KCNN2: variants seen among roughly 807,000 people sequenced by gnomAD.
KCNN2 encodes potassium calcium-activated channel subfamily N member 2, also known as small conductance calcium-activated potassium channel protein 2.
Under a neutral mutation model 55.5 loss-of-function variants are expected in KCNN2, and 24 were observed. That is an observed-to-expected ratio of 0.43 (90% CI 0.31 to 0.61). KCNN2 has a LOEUF of 0.61. KCNN2 is among the 20% of genes least tolerant of loss of function. The probability of loss-of-function intolerance (pLI) is 0.08; values close to 1 mark genes in which losing one functional copy is unlikely to be tolerated. For synonymous variants in KCNN2, 431 were observed against 336.1 expected, an observed-to-expected ratio of 1.28 and a Z score of -3.09; for missense variants, 754 against 853.6, an observed-to-expected ratio of 0.88 and a Z score of 1.45.
At chr5:114,070,412 C>A (rs569752449) in intron 1 of KCNN2, among the ~76,000 whole-genome samples, 2 of 152,240 alleles carry the variant, frequency 1.3e-5, no homozygotes, top group African/African-American at 4.8e-5. Context: ...CTGAGCTATT[C>A]TTTATCTTTG....
chr5:114,339,209 AGTT>A (rs1353702559), intron 2 of KCNN2, among the ~76,000 whole-genome samples: 2 of 152,188 alleles, frequency 1.3e-5, no homozygotes, highest in Non-Finnish European at 2.9e-5. Context: ...CAAGCTGAGG[AGTT>A]GTGGCCCTCT....
At chr5:114,160,557 C>T (rs1397206565) in intron 1 of KCNN2, among the ~76,000 whole-genome samples, 1 of 152,028 alleles carries the variant, frequency 6.6e-6, no homozygotes, top group Non-Finnish European at 1.5e-5. Context: ...CCTGGATATC[C>T]TTTTTAACTT....
intron 1 of KCNN2, among the ~76,000 whole-genome samples, chr5:114,126,399 T>C (rs1282563723): frequency 1.3e-5 from 2 of 152,022 alleles, no homozygotes; most frequent in East Asian, 1.9e-4. Flanking sequence ...CATGGCCTTC[T>C]TCATATGGCA....
At position 114,399,196 on chromosome 5, in the gene KCNN2, T is replaced by TA. The variant is rs571791822; in HGVS notation, c.1219-5241dup. ...CTGTGGGTTTGTCATAGATTGCTCT[T>TA]ATTATTTTAAAGTATGTTCCTTCAA... On this transcript the variant is annotated intron_variant, in intron 2 of 7. Coordinates refer to ENST00000673685, the MANE Select transcript of KCNN2 (RefSeq NM_021614.4). Among the ~76,000 whole-genome samples, 15 of 152,292 alleles carry TA rather than the reference T, an allele frequency of 9.8e-5. 1 individual carries two copies. The East Asian group carries it at 2.9e-3, about 29-fold the overall frequency.
intron 4 of KCNN2, among the ~76,000 whole-genome samples, chr5:114,466,985 C>T (rs1381397882): frequency 6.6e-6 from 1 of 151,936 alleles, no homozygotes; most frequent in South Asian, 2.1e-4. Context: ...CTTCAAGGAG[C>T]AAAAAAACAA....
At chr5:114,358,396 T>C (rs961477230), upstream of KCNN2, among the ~76,000 whole-genome samples, 1 of 152,124 alleles carries the variant, frequency 6.6e-6, no homozygotes, top group Non-Finnish European at 1.5e-5. Context: ...GTGTGCGTGT[T>C]CACAAGCTTG....
chr5:114,367,576 T>C (rs36949), intron 2 of KCNN2, among the ~76,000 whole-genome samples: 78,413 of 151,840 alleles, frequency 0.52, 20,829 homozygotes, highest in East Asian at 0.85. Flanking sequence ...TCCCTTGATA[T>C]TAAGTAAGTA....
chr5:114,465,875 C>G (rs575527909), intron 4 of KCNN2, among the ~76,000 whole-genome samples: 3 of 152,294 alleles, frequency 2.0e-5, no homozygotes, highest in Admixed American at 6.5e-5. Context: ...TTGAGATGCT[C>G]TGTAGAGTTG....
At chr5:114,187,078 A>G (rs1275157699) in intron 1 of KCNN2, among the ~76,000 whole-genome samples, 1 of 152,224 alleles carries the variant, frequency 6.6e-6, no homozygotes, top group Non-Finnish European at 1.5e-5. Flanking sequence ...AGAGTGATAT[A>G]ACATTAGAAA....
chr5:114,177,022 A>T (rs1241554221), intron 1 of KCNN2, among the ~76,000 whole-genome samples: 1 of 152,088 alleles, frequency 6.6e-6, no homozygotes, highest in Admixed American at 6.6e-5. Context: ...CTTAGAGTAA[A>T]TGGTCTACAA....
intron 2 of KCNN2, among the ~76,000 whole-genome samples, chr5:114,373,010 T>C (rs1757807530): frequency 6.6e-6 from 1 of 152,182 alleles, no homozygotes; most frequent in Non-Finnish European, 1.5e-5. Context: ...AAGAGAGAAA[T>C]TACTGAATTA....
chr5:114,451,576 TAG>T (rs1422879376), intron 3 of KCNN2, among the ~76,000 whole-genome samples: 12 of 152,122 alleles, frequency 7.9e-5, no homozygotes. Flanking sequence ...TTTGGCATTT[TAG>T]AGTCAATAAA....
At chr5:114,106,216 T>C (rs1162492733) in intron 1 of KCNN2, among the ~76,000 whole-genome samples, 1 of 151,968 alleles carries the variant, frequency 6.6e-6, no homozygotes, top group African/African-American at 2.4e-5. Flanking sequence ...TGCCAAATTC[T>C]GTGTTTGAAT....
chr5:114,322,655 C>T (rs1446533333), intron 2 of KCNN2, among the ~76,000 whole-genome samples: 1 of 151,800 alleles, frequency 6.6e-6, no homozygotes, highest in Non-Finnish European at 1.5e-5. Flanking sequence ...TTAATTGATG[C>T]TGCAGCTAAG....
intron 2 of KCNN2, among the ~76,000 whole-genome samples, chr5:114,233,771 A>C (rs529485885): frequency 1.2e-4 from 18 of 152,296 alleles, no homozygotes; most frequent in African/African-American, 4.3e-4. Flanking sequence ...AAAAATATTG[A>C]GTGTGCTTTA....
intron 2 of KCNN2, among the ~76,000 whole-genome samples, chr5:114,286,007 C>T (rs892714974): frequency 3.3e-5 from 5 of 151,312 alleles, no homozygotes; most frequent in African/African-American, 7.3e-5. Flanking sequence ...GCAACCTCCT[C>T]GTCCTGGGTT....
intron 1 of KCNN2, among the ~76,000 whole-genome samples, chr5:114,127,996 T>C (rs1296722482): frequency 6.6e-6 from 1 of 152,190 alleles, no homozygotes; most frequent in Admixed American, 6.5e-5. Flanking sequence ...TATAAGCATT[T>C]TGGCCAAAGC....
chr5:114,197,469 T>G (rs979163922), intron 1 of KCNN2, among the ~76,000 whole-genome samples: 3 of 152,332 alleles, frequency 2.0e-5, no homozygotes, highest in Middle Eastern at 3.4e-3. Context: ...TTCTGCCTTC[T>G]TCAGTTTTGC....
chr5:114,122,106 A>G (rs1464086167), intron 1 of KCNN2, among the ~76,000 whole-genome samples: 3 of 152,234 alleles, frequency 2.0e-5, no homozygotes, highest in African/African-American at 4.8e-5. Context: ...GAGTCATTAG[A>G]AGCCAGTATT....
Sources: allele counts gnomAD v4.1 joint callset (sites outside exome capture counted in the v4.1 genomes callset), GRCh38; gene constraint gnomAD v4.1.1; transcripts MANE v1.5; gene names NCBI Gene and HGNC (gene_info 2026-07-23, HGNC 2026-07-21).